The following ASAP2 variants were observed in gnomAD, a reference collection of about 807,000 sequenced individuals.
ASAP2 encodes arf-GAP with SH3 domain, ANK repeat and PH domain-containing protein 2.
In ASAP2, 45 loss-of-function variants were observed where a neutral mutation model predicts 131.4. That is an observed-to-expected ratio of 0.34 (90% CI 0.27 to 0.44). ASAP2 has a LOEUF of 0.44. Among genes scored for constraint, ASAP2 ranks in the 20% least tolerant of loss-of-function variants. The pLI is 1.00. For synonymous variants in ASAP2, 510 were observed against 503.0 expected (o/e 1.01, Z -0.19); for missense variants, 1,011 against 1,297.0 (o/e 0.78, Z 3.39).
intron 3 of ASAP2, among the ~76,000 whole-genome samples, chr2:9,305,624 G>T (rs62121316): frequency 0.95 from 8,971 of 9,462 alleles, 4,370 homozygotes; most frequent in Middle Eastern, 1. Context: ...AGATATTGGT[G>T]GACAGGCTGG....
At chr2:9,379,857 T>C (rs2148735651) in intron 19 of ASAP2, among the ~76,000 whole-genome samples, 1 of 152,096 alleles carries the variant, frequency 6.6e-6, no homozygotes, top group Middle Eastern at 3.4e-3. Context: ...CCGGGTATGG[T>C]GGCGCGCACC....
chr2:9,278,342 G>A (rs756964481), intron 1 of ASAP2, among the ~76,000 whole-genome samples: 2 of 151,892 alleles, frequency 1.3e-5, no homozygotes, highest in East Asian at 1.9e-4. Flanking sequence ...GTGAAACCCC[G>A]TCTCTACTAA....
chr2:9,317,999 C>A (rs925067109), intron 3 of ASAP2, among the ~76,000 whole-genome samples: 6 of 152,056 alleles, frequency 3.9e-5, no homozygotes, highest in African/African-American at 1.4e-4. Flanking sequence ...GTCCCCAACA[C>A]ACACACGTCT....
At chr2:9,317,135 A>T (rs201573612) in intron 3 of ASAP2, among the ~76,000 whole-genome samples, 1 of 58,292 alleles carries the variant, frequency 1.7e-5, no homozygotes, top group Non-Finnish European at 4.3e-5. Flanking sequence ...CACACAACAC[A>T]CATCCCAATC....
At chr2:9,237,879 A>T in intron 1 of ASAP2, among the ~76,000 whole-genome samples, 1 of 152,110 alleles carries the variant, frequency 6.6e-6, no homozygotes, top group East Asian at 1.9e-4. Context: ...ATCTCTTCCC[A>T]TGATTTTGAG....
At chr2:9,384,351 T>C (rs1010709810) in intron 20 of ASAP2, among the ~76,000 whole-genome samples, 9 of 152,164 alleles carry the variant, frequency 5.9e-5, no homozygotes, top group Non-Finnish European at 1.2e-4. Flanking sequence ...GCTAGACTTT[T>C]TTCACTACCA....
intron 1 of ASAP2, among the ~76,000 whole-genome samples, chr2:9,228,312 T>G (rs1662921437): frequency 6.6e-6 from 1 of 152,220 alleles, no homozygotes; most frequent in Non-Finnish European, 1.5e-5. Context: ...AGTATTCCAG[T>G]TACAATGCAT....
intron 19 of ASAP2, among the ~76,000 whole-genome samples, chr2:9,379,329 G>A (rs1213667035): frequency 2.6e-5 from 4 of 152,168 alleles, no homozygotes; most frequent in Non-Finnish European, 4.4e-5. Flanking sequence ...CAGCTCTCAC[G>A]GATGCCAGGT....
intron 2 of ASAP2, among the ~76,000 whole-genome samples, chr2:9,285,568 G>A (rs1388889100): frequency 1.3e-5 from 2 of 152,224 alleles, no homozygotes; most frequent in African/African-American, 4.8e-5. Flanking sequence ...TTGCCACTCA[G>A]TGATGGATTG....
At chr2:9,288,543 A>C (rs141676079) in intron 2 of ASAP2, among the ~76,000 whole-genome samples, 182 of 152,172 alleles carry the variant, frequency 1.2e-3, no homozygotes, top group African/African-American at 3.9e-3. Flanking sequence ...GACGTGGCAA[A>C]AATGAAGGGC....
intron 1 of ASAP2, among the ~76,000 whole-genome samples, chr2:9,215,426 T>G (rs974969965): frequency 5.9e-5 from 9 of 152,206 alleles, no homozygotes; most frequent in African/African-American, 1.9e-4. Flanking sequence ...AATTTTGAGG[T>G]ATTGATGAAT....
intron 3 of ASAP2, among the ~76,000 whole-genome samples, chr2:9,301,832 T>TC (rs1322932788): frequency 2.7e-5 from 4 of 148,806 alleles, no homozygotes; most frequent in African/African-American, 1.0e-4. Context: ...TTTTTTTTTT[T>TC]TTTTTTTTTG....
At chr2:9,279,766 G>A (rs1321962647) in intron 2 of ASAP2, among the ~76,000 whole-genome samples, 5 of 150,674 alleles carry the variant, frequency 3.3e-5, no homozygotes, top group Non-Finnish European at 7.4e-5. Context: ...TGCCCTTTCC[G>A]TTTCTCTTTT....
At chr2:9,322,478 A>G (rs1322004136) in intron 5 of ASAP2, among the ~76,000 whole-genome samples, 1 of 152,156 alleles carries the variant, frequency 6.6e-6, no homozygotes. Context: ...TCTCCAGAAT[A>G]AAAACTCACG....
intron 8 of ASAP2, 46 bp from the exon 9 acceptor site, chr2:9,335,047 G>C: frequency 6.3e-7 from 1 of 1,584,528 alleles, no homozygotes. Flanking sequence ...CTGTACCTCA[G>C]TCTTAATTTT....
At chr2:9,384,271 C>G (rs1675090914) in intron 20 of ASAP2, among the ~76,000 whole-genome samples, 1 of 152,232 alleles carries the variant, frequency 6.6e-6, no homozygotes, top group African/African-American at 2.4e-5. Context: ...CCATGGTTAG[C>G]TTGGCCTGTG....
Position 9,281,737 on chromosome 2 carries a change from G to A in ASAP2, c.199+2348G>A, listed in dbSNP as rs1224747103. ...CACAGATCCATCCAAAGATTTTAAT[G>A]TGCTAGTAATGTGGATTGTGAGTGG... On this transcript the variant is annotated intron_variant, in intron 2 of 27. Transcript: ENST00000281419. This position sits in a 1 kb window ranked among gnomAD's most constrained non-coding sequence, Gnocchi z 4.0. Among the ~76,000 whole-genome samples, 3 of 152,194 alleles carry A rather than the reference G, an allele frequency of 2.0e-5. No individual in the cohort carries two copies. The highest frequency in any genetic ancestry group is 1.9e-4 in the East Asian group (1 of 5,198).
At chr2:9,306,340 C>T (rs1383524785) in intron 3 of ASAP2, among the ~76,000 whole-genome samples, 3 of 151,682 alleles carry the variant, frequency 2.0e-5, no homozygotes, top group Admixed American at 6.6e-5. Flanking sequence ...GAGCCACATC[C>T]GCAGCAGGGA....
At chr2:9,396,268 T>C (rs1171613882) in intron 24 of ASAP2, among the ~76,000 whole-genome samples, 1 of 152,138 alleles carries the variant, frequency 6.6e-6, no homozygotes. Flanking sequence ...TGGGATTCCA[T>C]TCCTGAGATC....
Sources: allele counts gnomAD v4.1 joint callset (sites outside exome capture counted in the v4.1 genomes callset), GRCh38; gene constraint gnomAD v4.1.1; non-coding constraint Gnocchi (gnomAD v3.1); transcripts MANE v1.5; gene names NCBI Gene and HGNC (gene_info 2026-07-23, HGNC 2026-07-21).